The following TNFRSF19 variants were observed in gnomAD, a reference collection of about 807,000 sequenced individuals.
The protein encoded by TNFRSF19 is tumor necrosis factor receptor superfamily member 19.
Under a neutral mutation model 46.4 loss-of-function variants are expected in TNFRSF19, and 27 were observed. That is an observed-to-expected ratio of 0.58 (90% CI 0.43 to 0.80). The LOEUF is 0.80. TNFRSF19 is among the 30% of genes least tolerant of loss of function. The pLI is 0.00. For missense variants in TNFRSF19, 511 were observed against 530.8 expected, an observed-to-expected ratio of 0.96 and a Z score of 0.37; for synonymous variants, 204 against 205.0, an observed-to-expected ratio of 1.00 and a Z score of 0.04.
chr13:23,596,084 C>G (rs940286588), intron 3 of TNFRSF19, among the ~76,000 whole-genome samples: 4 of 152,180 alleles, frequency 2.6e-5, no homozygotes, highest in Non-Finnish European at 5.9e-5. Flanking sequence ...ACCACCAGGC[C>G]TGCCTTACAA....
intron 1 of TNFRSF19, 76 bp downstream of exon 1, chr13:23,570,924 G>A (rs7988135): frequency 3.9e-5 from 6 of 152,162 alleles, no homozygotes; most frequent in South Asian, 2.1e-4. Context: ...TGCATTTTTC[G>A]CATGTGTTCT....
Position 23,570,627 on chromosome 13 carries a change from A to G in TNFRSF19, c.-256A>G, listed in dbSNP as rs572795715. 2 of 152,318 alleles carry G rather than the reference A, an allele frequency of 1.3e-5. No homozygotes were observed. Among genetic ancestry groups the G allele is most frequent in the East Asian group, 3.9e-4 (2 of 5,190 alleles). 9.4% of individuals were successfully genotyped at this position (152,318 alleles called of 1,614,324 possible). A position where few individuals can be genotyped will look rare whatever the true frequency, so the allele number is the denominator to read the frequency against. ...TGAAAGTGAACTTTCTTTGATATCC[A>G]TGCATATATATAAACTCAGCCCTGC... On this transcript the variant is annotated 5_prime_UTR_variant, in exon 1 of 10. The change abolishes an upstream ATG in the 5' untranslated region. Transcript: ENST00000248484.
chr13:23,638,450 C>T (rs921204823), intron 5 of TNFRSF19, among the ~76,000 whole-genome samples: 1 of 152,168 alleles, frequency 6.6e-6, no homozygotes, highest in African/African-American at 2.4e-5. Context: ...CTGGGGTGCA[C>T]CTGCCTGCCT....
chr13:23,608,150 G>A (rs1880641789), intron 3 of TNFRSF19, among the ~76,000 whole-genome samples: 1 of 152,174 alleles, frequency 6.6e-6, no homozygotes, highest in Non-Finnish European at 1.5e-5. Context: ...AGTCTGCACA[G>A]CAGCTCCAGG....
rs568395275 is a variant in TNFRSF19 at position 23,612,646 on chromosome 13, A to G, written c.181-3221A>G. On this transcript the variant is annotated intron_variant, in intron 3 of 9. Transcript: ENST00000248484. ...TAGTTTCAAATTAATATTAGGCTTT[A>G]AAAATATTACATTTTTGAAAATAGT... is the stretch of plus-strand genomic sequence containing the variant. Among the ~76,000 whole-genome samples, 6 of 152,350 alleles carry G rather than the reference A, an allele frequency of 3.9e-5. No homozygotes were observed. The South Asian group carries it at 1.2e-3, about 32-fold the overall frequency.
chr13:23,617,588 C>T (rs1327080125), intron 4 of TNFRSF19, among the ~76,000 whole-genome samples: 2 of 152,108 alleles, frequency 1.3e-5, no homozygotes, highest in South Asian at 2.1e-4. Flanking sequence ...GAGTTACTGA[C>T]CAAAGACAGA....
intron 3 of TNFRSF19, among the ~76,000 whole-genome samples, chr13:23,605,934 C>A (rs957066552): frequency 1.3e-5 from 2 of 152,022 alleles, no homozygotes; most frequent in Non-Finnish European, 2.9e-5. Flanking sequence ...CAAGAATAAA[C>A]CCTAATGTAA....
intron 6 of TNFRSF19, 53 bp from the exon 7 acceptor site, chr13:23,660,312 G>T: frequency 6.4e-7 from 1 of 1,558,956 alleles, no homozygotes; most frequent in East Asian, 2.3e-5. Flanking sequence ...AATGGCACAG[G>T]TCCACTAGAG....
Position 23,674,232 on chromosome 13 carries a change from G to A in TNFRSF19, c.*852G>A, listed in dbSNP as rs897850130. Reference sequence around the variant, plus strand: ...CTGTCCCTCTGCCTGAGCTTAGAAGGTTATAGAAAAAGGGTATTTATAAAC... The same window carrying A: ...CTGTCCCTCTGCCTGAGCTTAGAAGATTATAGAAAAAGGGTATTTATAAAC... On this transcript the variant is annotated 3_prime_UTR_variant, in exon 10 of 10. Transcript: ENST00000248484. 3 of 152,136 alleles carry A rather than the reference G, an allele frequency of 2.0e-5. No individual in the cohort carries two copies. The highest frequency in any genetic ancestry group is 2.9e-5 in the Non-Finnish European group (2 of 68,016). The allele number at this position is 152,136 out of a possible 1,614,324, so 9.4% of individuals were successfully genotyped here. A position where few individuals can be genotyped will look rare whatever the true frequency, so the allele number is the denominator to read the frequency against.
At chr13:23,601,723 A>G (rs2138212430) in intron 3 of TNFRSF19, among the ~76,000 whole-genome samples, 1 of 152,316 alleles carries the variant, frequency 6.6e-6, no homozygotes, top group Middle Eastern at 3.4e-3. Context: ...ACAAAGGGTG[A>G]GGAGGAGGAA....
At chr13:23,602,188 C>T (rs867762343) in intron 3 of TNFRSF19, among the ~76,000 whole-genome samples, 2 of 152,214 alleles carry the variant, frequency 1.3e-5, no homozygotes, top group Middle Eastern at 3.4e-3. Flanking sequence ...ATATACCATG[C>T]TAACACTAAT....
chr13:23,638,492 C>A (rs1470683199), intron 5 of TNFRSF19, among the ~76,000 whole-genome samples: 1 of 152,110 alleles, frequency 6.6e-6, no homozygotes, highest in African/African-American at 2.4e-5. Flanking sequence ...ATTGCTTTTT[C>A]GGTCTTCTTT....
chr13:23,600,306 A>G (rs1366898468), intron 3 of TNFRSF19, among the ~76,000 whole-genome samples: 4 of 152,190 alleles, frequency 2.6e-5, no homozygotes, highest in Non-Finnish European at 5.9e-5. Flanking sequence ...GCAGGCAGCT[A>G]CAGAGAATCA....
chr13:23,668,647 T>C (rs1245962223), intron 8 of TNFRSF19, 45 bp from the exon 9 acceptor site: 1 of 1,557,888 alleles, frequency 6.4e-7, no homozygotes, highest in Admixed American at 2.0e-5. Flanking sequence ...TAGTAGTGTT[T>C]TTCTCCCCAT....
At chr13:23,589,154 C>G (rs1879069520) in intron 1 of TNFRSF19, among the ~76,000 whole-genome samples, 1 of 151,998 alleles carries the variant, frequency 6.6e-6, no homozygotes, top group Non-Finnish European at 1.5e-5. Flanking sequence ...TTAAAGGAAA[C>G]AGAACCGCTG....
chr13:23,655,826 GT>G (rs201237931), intron 5 of TNFRSF19, among the ~76,000 whole-genome samples: 3 of 151,108 alleles, frequency 2.0e-5, no homozygotes, highest in African/African-American at 4.9e-5. Flanking sequence ...TAAGAAAATA[GT>G]TTTTTTACTA....
At chr13:23,593,131 C>A (rs745459171) in intron 2 of TNFRSF19, among the ~76,000 whole-genome samples, 3 of 152,046 alleles carry the variant, frequency 2.0e-5, no homozygotes, top group Non-Finnish European at 4.4e-5. Context: ...TGAGTATTCT[C>A]TGGAATACAG....
chr13:23,636,054 T>A, intron 5 of TNFRSF19, among the ~76,000 whole-genome samples: 1 of 152,174 alleles, frequency 6.6e-6, no homozygotes, highest in East Asian at 1.9e-4. Context: ...GAGGGGTCCG[T>A]TAGTGAGACG....
chr13:23,588,513 G>A (rs150346125), intron 1 of TNFRSF19, among the ~76,000 whole-genome samples: 2 of 152,168 alleles, frequency 1.3e-5, no homozygotes, highest in African/African-American at 4.8e-5. Context: ...AATATGGTAT[G>A]TACTGATTGA....
Sources: allele counts gnomAD v4.1 joint callset (sites outside exome capture counted in the v4.1 genomes callset), GRCh38; gene constraint gnomAD v4.1.1; transcripts MANE v1.5; gene names NCBI Gene and HGNC (gene_info 2026-07-23, HGNC 2026-07-21).